The following FAM117A variants were observed in gnomAD, a reference collection of about 807,000 sequenced individuals.
FAM117A encodes the protein family with sequence similarity 117 member A, also known as protein FAM117A.
FAM117A carries 21 observed loss-of-function variants against 44.1 expected under a neutral mutation model. The observed-to-expected ratio is 0.48, with a 90% CI of 0.34 to 0.69. The LOEUF (loss-of-function observed/expected upper bound fraction) is 0.69. Among genes scored for constraint, FAM117A ranks in the 30% least tolerant of loss-of-function variants. The pLI is 0.01. For missense variants in FAM117A, 498 were observed against 589.9 expected (o/e 0.84, Z 1.61); for synonymous variants, 220 against 238.3 (o/e 0.92, Z 0.71).
At chr17:49,725,910 G>A (rs968469633) in intron 2 of FAM117A, among the ~76,000 whole-genome samples, 4 of 152,178 alleles carry the variant, frequency 2.6e-5, no homozygotes, top group African/African-American at 9.7e-5. Context: ...AGGATAAAGC[G>A]ATATGACCAC....
intron 5 of FAM117A, chr17:49,719,504 G>C: frequency 5.8e-6 from 2 of 343,562 alleles, no homozygotes; most frequent in East Asian, 1.0e-4. Flanking sequence ...TCCTCCCAGC[G>C]GGGGGGCCTC....
At chr17:49,724,745 C>T (rs2073551714) in intron 2 of FAM117A, among the ~76,000 whole-genome samples, 1 of 143,676 alleles carries the variant, frequency 7.0e-6, no homozygotes, top group Non-Finnish European at 1.5e-5. Flanking sequence ...TGCTTGAACT[C>T]AAGAGGTAGA....
At chr17:49,733,083 C>CT (rs1269994823) in intron 1 of FAM117A, 3 of 217,760 alleles carry the variant, frequency 1.4e-5, no homozygotes, top group Non-Finnish European at 2.8e-5. Context: ...AGATAAAACT[C>CT]TAAGTGGATA....
At chr17:49,714,183 G>C (rs2073491176) in intron 7 of FAM117A, among the ~76,000 whole-genome samples, 1 of 152,130 alleles carries the variant, frequency 6.6e-6, no homozygotes, top group Non-Finnish European at 1.5e-5. Flanking sequence ...TCTTGGAGGG[G>C]ACAACAGCTA....
intron 5 of FAM117A, among the ~76,000 whole-genome samples, chr17:49,718,934 G>A (rs934529416): frequency 1.8e-4 from 25 of 139,730 alleles, no homozygotes; most frequent in African/African-American, 6.5e-4. Context: ...CCAAGATGGC[G>A]CCACCGCACT....
chr17:49,784,722 T>G (rs1368416932), intron 1 of FAM117A, among the ~76,000 whole-genome samples: 1 of 152,230 alleles, frequency 6.6e-6, no homozygotes, highest in African/African-American at 2.4e-5. Flanking sequence ...ACACTCTACC[T>G]CCTCCTCTGT....
chr17:49,774,581 A>C lies in FAM117A; in HGVS notation c.-621+13916T>G, dbSNP rs1440092068. Among the ~76,000 whole-genome samples the C allele has an allele frequency of 4.0e-5, 6 of 151,692 alleles. No homozygotes were observed. The East Asian group carries it at 1.2e-3, about 30-fold the overall frequency. ...CACCATGTTGGCCAGGATGGGCTCA[A>C]ACTCCTGACCTCGTGATCTGCCCGC... is the stretch of plus-strand genomic sequence containing the variant. On this transcript the variant is annotated intron_variant, in intron 1 of 7. Transcript: ENST00000513602.
At chr17:49,751,245 A>ACTCAGT (rs1269061104) in intron 1 of FAM117A, among the ~76,000 whole-genome samples, 1 of 142,230 alleles carries the variant, frequency 7.0e-6, no homozygotes, top group African/African-American at 2.7e-5. Context: ...ACGCCATTGC[A>ACTCAGT]CTCAGTCTGG....
At chr17:49,721,975 T>G (rs1333825038) in intron 3 of FAM117A, among the ~76,000 whole-genome samples, 2 of 151,428 alleles carry the variant, frequency 1.3e-5, no homozygotes, top group Non-Finnish European at 2.9e-5. Flanking sequence ...GGTGGGTGCC[T>G]GTAATCTAAG....
chr17:49,769,820 G>GA (rs1160975721), intron 1 of FAM117A, among the ~76,000 whole-genome samples: 3 of 152,124 alleles, frequency 2.0e-5, no homozygotes, highest in Non-Finnish European at 4.4e-5. Context: ...AGAAACAGTA[G>GA]AAACTATATG....
rs544549395 is a variant in FAM117A, at chr17:49,710,891, C to T, written c.*364G>A. 1.1e-5 allele frequency: 2 copies of T among 181,576 alleles called. No individual in the cohort carries two copies. The highest frequency in any genetic ancestry group is 2.6e-4 in the South Asian group (2 of 7,642). The allele number at this position is 181,576 out of a possible 1,614,324, so 11.2% of individuals were successfully genotyped here. A position where few individuals can be genotyped will look rare whatever the true frequency, so the allele number is the denominator to read the frequency against. The stretch of plus-strand genomic sequence containing the variant: ...AAGGAAATCTGTGGCGTCTTCTCTC[C>T]TTCGTTCATGGCCAGCTTGCTCTGT... On this transcript the variant is annotated 3_prime_UTR_variant, in exon 8 of 8. Transcript: ENST00000240364.
intron 1 of FAM117A, among the ~76,000 whole-genome samples, chr17:49,773,677 C>G (rs1436918773): frequency 1.3e-5 from 2 of 152,080 alleles, no homozygotes; most frequent in African/African-American, 2.4e-5. Flanking sequence ...CCTCATCTAC[C>G]CTTATCAGCT....
chr17:49,727,913 C>T lies in FAM117A; in HGVS notation c.366+4638G>A, dbSNP rs533239066. Among the ~76,000 whole-genome samples, 40 of 152,332 alleles carry T rather than the reference C, an allele frequency of 2.6e-4. 1 individual carries two copies. The South Asian group carries it at 5.8e-3, about 22-fold the overall frequency. ...ACTGTCAAGCAGCATGGTGCCTGGC[C>T]TGGTGTGGACCGTCAGGACCACGTG... On this transcript the variant is annotated intron_variant, in intron 2 of 7. Coordinates refer to ENST00000240364, the MANE Select transcript of FAM117A (RefSeq NM_030802.4).
At chr17:49,725,934 C>T (rs2073557508) in intron 2 of FAM117A, among the ~76,000 whole-genome samples, 2 of 152,118 alleles carry the variant, frequency 1.3e-5, no homozygotes, top group Admixed American at 1.3e-4. Flanking sequence ...GGCAGAGACT[C>T]GAGTGATGTG....
intron 1 of FAM117A, among the ~76,000 whole-genome samples, chr17:49,733,807 TTG>T (rs1391096791): frequency 6.6e-6 from 1 of 152,122 alleles, no homozygotes; most frequent in Non-Finnish European, 1.5e-5. Flanking sequence ...ATCATCTAAG[TTG>T]ACCCTGTTTT....
At chr17:49,763,829 C>CCG in intron 1 of FAM117A, 63 bp downstream of exon 1, 2 of 666,314 alleles carry the variant, frequency 3.0e-6, no homozygotes, top group East Asian at 4.4e-5. Flanking sequence ...CCCCCTCCCG[C>CCG]GGTCACGCGC....
At chr17:49,732,849 G>T (rs1444197305) in intron 1 of FAM117A, 129 bp from the exon 2 acceptor site, 1 of 1,006,482 alleles carries the variant, frequency 9.9e-7, no homozygotes, top group African/African-American at 1.6e-5. Flanking sequence ...TGTCCTAAAA[G>T]AATTTGAAGC....
intron 1 of FAM117A, among the ~76,000 whole-genome samples, chr17:49,770,487 A>C (rs569508830): frequency 3.4e-4 from 52 of 152,308 alleles, no homozygotes; most frequent in African/African-American, 1.1e-3. Context: ...GTGATTGCCT[A>C]GGACTGGAGG....
At chr17:49,719,115 A>G (rs952325430) in intron 5 of FAM117A, among the ~76,000 whole-genome samples, 1 of 151,872 alleles carries the variant, frequency 6.6e-6, no homozygotes, top group African/African-American at 2.4e-5. Flanking sequence ...TACAAAAATT[A>G]GTCAGGCGTG....
Sources: gnomAD v4.1 joint callset for allele counts (sites outside exome capture counted in the v4.1 genomes callset) on GRCh38, gnomAD v4.1.1 for gene constraint, MANE v1.5 for transcripts, NCBI Gene and HGNC (gene_info 2026-07-23, HGNC 2026-07-21) for gene names.